The following ZFAT variants were observed in gnomAD, a reference collection of about 807,000 sequenced individuals.
ZFAT encodes zinc finger and AT-hook domain containing, also known as zinc finger protein ZFAT.
ZFAT carries 64 observed loss-of-function variants against 117.7 expected under a neutral mutation model. The ratio of observed to expected loss-of-function variants is 0.54; its 90% CI spans 0.44 to 0.67. The LOEUF is 0.67. Among genes scored for constraint, ZFAT ranks in the 30% least tolerant of loss-of-function variants. The probability of loss-of-function intolerance (pLI) is 0.00; values close to 1 mark genes in which losing one functional copy is unlikely to be tolerated. For missense variants in ZFAT, 1,433 were observed against 1,584.5 expected, an observed-to-expected ratio of 0.90 and a Z score of 1.62; for synonymous variants, 679 against 615.0, an observed-to-expected ratio of 1.10 and a Z score of -1.54.
the ZFAT span, among the ~76,000 whole-genome samples, chr8:134,760,647 G>T: frequency 1.3e-5 from 2 of 152,198 alleles, no homozygotes; most frequent in African/African-American, 2.4e-5. Context: ...AGGAATAAAG[G>T]TGTGAATGAA....
chr8:134,650,773 T>G (rs146573812), intron 2 of ZFAT, among the ~76,000 whole-genome samples: 1 of 152,332 alleles, frequency 6.6e-6, no homozygotes, highest in East Asian at 1.9e-4. Context: ...CTCAATTGAT[T>G]TTTGACAAGG....
Position 134,532,905 on chromosome 8 carries a change from C to G in ZFAT, c.3044G>C (p.Arg1015Thr). The G allele has an allele frequency of 6.2e-7, 1 of 1,609,772 alleles. No individual in the cohort carries two copies. ...GGCATACTCCTCATTAGGGTGCTTC[C>G]TGTTGTAGTGCCGCTTCAGAGAGCC... is the stretch of plus-strand genomic sequence containing the variant. ...ISGSLKRHYN[R>T]KHPNEEYANV... The change falls in exon 12 of 16, where the codon AGG becomes ACG. Residue 1015 changes from arginine (R) to threonine (T), a missense_variant. Around this residue, in one of 5 missense-constraint regions of ZFAT, gnomAD observed 503 missense variants for 543.4 expected, o/e 0.93. Coordinates refer to ENST00000377838, the MANE Select transcript of ZFAT (RefSeq NM_020863.4).
At chr8:134,787,144 G>A in the ZFAT span, among the ~76,000 whole-genome samples, 1 of 152,120 alleles carries the variant, frequency 6.6e-6, no homozygotes, top group Non-Finnish European at 1.5e-5. Context: ...ACTGTGTCTG[G>A]CTAAGTTATC....
intron 7 of ZFAT, among the ~76,000 whole-genome samples, chr8:134,592,853 A>G (rs191188505): frequency 6.6e-6 from 1 of 152,352 alleles, no homozygotes; most frequent in African/African-American, 2.4e-5. Flanking sequence ...CAAACCAACC[A>G]AAAGTCCTTC....
At chr8:134,756,892 T>G in the ZFAT span, among the ~76,000 whole-genome samples, 1 of 152,172 alleles carries the variant, frequency 6.6e-6, no homozygotes, top group African/African-American at 2.4e-5. Context: ...TGTGAAGGTA[T>G]GTAAAGCCTC....
At chr8:134,730,200 C>T in the ZFAT span, among the ~76,000 whole-genome samples, 1 of 152,228 alleles carries the variant, frequency 6.6e-6, no homozygotes, top group East Asian at 1.9e-4. Context: ...CTCCTCATCT[C>T]CAGAGGGAGC....
intron 15 of ZFAT, among the ~76,000 whole-genome samples, chr8:134,494,405 C>T (rs1355948922): frequency 2.0e-5 from 3 of 152,120 alleles, no homozygotes; most frequent in Non-Finnish European, 4.4e-5. Flanking sequence ...GGGACAGGAT[C>T]GATCCGCTGC....
intron 1 of ZFAT, among the ~76,000 whole-genome samples, chr8:134,697,171 G>C (rs1476487660): frequency 6.6e-6 from 1 of 152,078 alleles, no homozygotes; most frequent in Non-Finnish European, 1.5e-5. Context: ...CTGGAGTGCA[G>C]TGGCACGATC....
intron 9 of ZFAT, among the ~76,000 whole-genome samples, chr8:134,587,915 G>A (rs935479477): frequency 1.3e-5 from 2 of 152,176 alleles, no homozygotes; most frequent in African/African-American, 4.8e-5. Context: ...AGGGCACAGG[G>A]TGGGCACTGG....
intron 5 of ZFAT, among the ~76,000 whole-genome samples, chr8:134,607,633 G>A (rs138535858): frequency 6.6e-6 from 1 of 152,244 alleles, no homozygotes; most frequent in Admixed American, 6.5e-5. Flanking sequence ...GAGTAGTCTA[G>A]AGCCAACCTA....
intron 1 of ZFAT, among the ~76,000 whole-genome samples, chr8:134,668,010 C>T (rs1329825373): frequency 6.6e-6 from 1 of 152,166 alleles, no homozygotes; most frequent in Non-Finnish European, 1.5e-5. Context: ...TCACTCATTG[C>T]TAGCACGGCA....
the ZFAT span, among the ~76,000 whole-genome samples, chr8:134,814,646 TA>T: frequency 6.6e-6 from 1 of 152,218 alleles, no homozygotes; most frequent in Non-Finnish European, 1.5e-5. Flanking sequence ...AAACAGACTC[TA>T]AACAGGGACA....
intron 9 of ZFAT, 33 bp downstream of exon 9, chr8:134,588,213 A>C: frequency 6.6e-7 from 1 of 1,524,206 alleles, no homozygotes; most frequent in Non-Finnish European, 8.8e-7. Flanking sequence ...ACAAAATTAG[A>C]AAGGTGCCCA....
intron 10 of ZFAT, among the ~76,000 whole-genome samples, chr8:134,583,216 A>T (rs1026511560): frequency 2.0e-5 from 3 of 151,988 alleles, no homozygotes; most frequent in African/African-American, 7.2e-5. Flanking sequence ...TGCCTTCTAG[A>T]TTACGAACTC....
the ZFAT span, among the ~76,000 whole-genome samples, chr8:134,733,845 C>T: frequency 6.6e-6 from 1 of 152,254 alleles, no homozygotes; most frequent in Non-Finnish European, 1.5e-5. Context: ...CAAGACTGCC[C>T]TGTTTACTGG....
At position 134,478,171 on chromosome 8, in the gene ZFAT, T is replaced by G; in HGVS notation, c.*311A>C. Reference sequence around the variant, plus strand: ...GCTGAGGGGGACTGGGAGTCTCTGTTTGAATCTTGAAGCAAGGGGTGAAGG... The same window carrying G: ...GCTGAGGGGGACTGGGAGTCTCTGTGTGAATCTTGAAGCAAGGGGTGAAGG... On this transcript the variant is annotated 3_prime_UTR_variant, in exon 16 of 16. Coordinates refer to ENST00000377838, the MANE Select transcript of ZFAT (RefSeq NM_020863.4). This position sits in a 1 kb window ranked among gnomAD's most constrained non-coding sequence, Gnocchi z 5.2. The G allele has an allele frequency of 5.7e-6, 2 of 352,328 alleles. No individual in the cohort carries two copies. Among genetic ancestry groups the G allele is most frequent in the Non-Finnish European group, 5.3e-6 (1 of 190,056 alleles). The allele number at this position is 352,328 out of a possible 1,614,324, so 21.8% of individuals were successfully genotyped here.
chr8:134,665,891 G>A (rs1284990896), intron 1 of ZFAT, among the ~76,000 whole-genome samples: 1 of 152,198 alleles, frequency 6.6e-6, no homozygotes, highest in East Asian at 1.9e-4. Context: ...GCTTGACACA[G>A]AAGGACGGCA....
At chr8:134,730,182 C>A in the ZFAT span, among the ~76,000 whole-genome samples, 1 of 152,220 alleles carries the variant, frequency 6.6e-6, no homozygotes, top group Non-Finnish European at 1.5e-5. Flanking sequence ...GAGGGTGAAG[C>A]CTGCACTCTC....
At chr8:134,753,844 G>A in the ZFAT span, among the ~76,000 whole-genome samples, 158 of 152,260 alleles carry the variant, frequency 1.0e-3, no homozygotes, top group Non-Finnish European at 1.7e-3. Context: ...TATTTGTTAC[G>A]GTGGCGTAAT....
Sources: allele counts gnomAD v4.1 joint callset (sites outside exome capture counted in the v4.1 genomes callset), GRCh38; gene constraint gnomAD v4.1.1; regional missense constraint gnomAD v4.1.1; non-coding constraint Gnocchi (gnomAD v3.1); transcripts MANE v1.5; gene names NCBI Gene and HGNC (gene_info 2026-07-23, HGNC 2026-07-21).